Variants in HS6ST2 observed in about 807,000 individuals in gnomAD.
HS6ST2 encodes heparan-sulfate 6-O-sulfotransferase 2.
In HS6ST2, 17 loss-of-function variants were observed where a neutral mutation model predicts 33.0. The observed-to-expected ratio is 0.52, with a 90% CI of 0.35 to 0.77. The LOEUF (loss-of-function observed/expected upper bound fraction) is 0.77. Ranked by LOEUF, HS6ST2 falls within the 30% of genes least tolerant of loss-of-function variation. HS6ST2 has a pLI of 0.01. For synonymous variants in HS6ST2, 248 were observed against 237.1 expected (o/e 1.05, Z -0.42); for missense variants, 519 against 551.7 (o/e 0.94, Z 0.59).
chrX:132,646,361 C>A (rs1447451314), intron 4 of HS6ST2, among the ~76,000 whole-genome samples: 2 of 110,170 alleles, frequency 1.8e-5, no homozygotes, highest in Non-Finnish European at 3.8e-5. Flanking sequence ...GGGGGAGGGA[C>A]TAAATGACCT....
At chrX:132,726,815 T>A (rs989851609) in intron 2 of HS6ST2, among the ~76,000 whole-genome samples, 1 of 112,029 alleles carries the variant, frequency 8.9e-6, no homozygotes, top group African/African-American at 3.2e-5. Flanking sequence ...TCAAGGTTCA[T>A]CCATATTGTA....
In HS6ST2 at chrX:132,879,908, T is replaced by C. The variant is rs185701996; in HGVS notation, c.947+76900A>G. 1.9e-3 allele frequency among the ~76,000 whole-genome samples: 212 copies of C among 111,524 alleles called. 1 individual carries two copies. Among genetic ancestry groups the C allele is most frequent in the African/African-American group, 6.7e-3 (206 of 30,650 alleles). On this transcript the variant is annotated intron_variant, in intron 2 of 4. Transcript: ENST00000370833. ...CTGAGCACCTACAACGTCATCACTATTCCTCCCCTGGCACATCTCCTCCAC... is the reference window on the plus strand; with the variant it reads ...CTGAGCACCTACAACGTCATCACTACTCCTCCCCTGGCACATCTCCTCCAC...
At chrX:132,756,048 G>A (rs186247309) in intron 2 of HS6ST2, among the ~76,000 whole-genome samples, 1 of 111,534 alleles carries the variant, frequency 9.0e-6, no homozygotes, top group African/African-American at 3.3e-5. Context: ...TCCAGGCCTC[G>A]GCCCAGCCCT....
At chrX:132,635,874 G>A (rs1390976851) in intron 4 of HS6ST2, among the ~76,000 whole-genome samples, 3 of 111,087 alleles carry the variant, frequency 2.7e-5, no homozygotes, top group Non-Finnish European at 5.7e-5. Flanking sequence ...TCTGTATATG[G>A]AGTGCCCACT....
intron 2 of HS6ST2, among the ~76,000 whole-genome samples, chrX:132,871,542 A>C (rs1412205333): frequency 8.9e-6 from 1 of 112,167 alleles, no homozygotes; most frequent in Admixed American, 9.5e-5. Context: ...AATGCCCATC[A>C]ATGACAGACT....
At chrX:132,691,401 G>C (rs1237965056) in intron 3 of HS6ST2, among the ~76,000 whole-genome samples, 1 of 111,857 alleles carries the variant, frequency 8.9e-6, no homozygotes, top group East Asian at 2.8e-4. Context: ...AACCGCTCTT[G>C]TCTGGTTGTC....
chrX:132,874,992 T>C (rs372937867), intron 2 of HS6ST2, among the ~76,000 whole-genome samples: 3 of 109,799 alleles, frequency 2.7e-5, no homozygotes, highest in Admixed American at 1.9e-4. Context: ...CAGCCAAGAG[T>C]ATGAAGTCCA....
At chrX:132,791,819 A>G (rs1449772603) in intron 2 of HS6ST2, among the ~76,000 whole-genome samples, 1 of 110,442 alleles carries the variant, frequency 9.1e-6, no homozygotes, top group Non-Finnish European at 1.9e-5. Context: ...ACAAAAAAAA[A>G]AAAAAATCAA....
chrX:132,634,687 T>G (rs1298791682), intron 4 of HS6ST2, among the ~76,000 whole-genome samples: 1 of 112,134 alleles, frequency 8.9e-6, no homozygotes, highest in African/African-American at 3.2e-5. Flanking sequence ...AGGGAGGAAC[T>G]GCCTGAAACA....
intron 2 of HS6ST2, among the ~76,000 whole-genome samples, chrX:132,757,900 T>C (rs1365696772): frequency 8.9e-6 from 1 of 111,786 alleles, no homozygotes; most frequent in Non-Finnish European, 1.9e-5. Flanking sequence ...GGAGTCTGAT[T>C]TTTCATAAAT....
intron 2 of HS6ST2, among the ~76,000 whole-genome samples, chrX:132,803,225 T>G (rs1394039646): frequency 9.0e-6 from 1 of 111,432 alleles, no homozygotes; most frequent in Non-Finnish European, 1.9e-5. Context: ...TCTCTTCTTT[T>G]TCCTAGTCTC....
At chrX:132,724,092 C>T (rs755540230) in intron 2 of HS6ST2, among the ~76,000 whole-genome samples, 3 of 111,358 alleles carry the variant, frequency 2.7e-5, no homozygotes, top group Non-Finnish European at 3.8e-5. Flanking sequence ...CGGCTGAGAT[C>T]GTGCCACTGC....
intron 2 of HS6ST2, among the ~76,000 whole-genome samples, chrX:132,822,452 C>T (rs1020872717): frequency 5.4e-5 from 6 of 111,425 alleles, no homozygotes; most frequent in Non-Finnish European, 7.5e-5. Context: ...CCAGTACAAT[C>T]TCTCCTCATG....
intron 4 of HS6ST2, among the ~76,000 whole-genome samples, chrX:132,633,143 G>A (rs1253749009): frequency 9.2e-6 from 1 of 108,482 alleles, no homozygotes; most frequent in African/African-American, 3.4e-5. Context: ...GGATCAGCAT[G>A]AGCAGAGGCA....
chrX:132,959,456 G>A (rs2067127189), upstream of HS6ST2, among the ~76,000 whole-genome samples: 1 of 111,912 alleles, frequency 8.9e-6, no homozygotes, highest in Admixed American at 9.4e-5. Flanking sequence ...TACAGAAGGG[G>A]CACCGGTTGG....
At chrX:132,898,381 T>TTTTA (rs368130066) in intron 2 of HS6ST2, among the ~76,000 whole-genome samples, 2 of 89,223 alleles carry the variant, frequency 2.2e-5, no homozygotes, top group Admixed American at 1.3e-4. Flanking sequence ...CAACATAAGG[T>TTTTA]TATATATATA....
At position 132,628,269 on chromosome X, in the gene HS6ST2, C is replaced by T. The variant is rs755071938; in HGVS notation, c.1892G>A (p.Ser631Asn). The change falls in exon 5 of 5, where the codon AGC (serine) becomes AAC (asparagine). Residue 631 changes from serine (S) to asparagine (N), a missense_variant. Ser to Asn is a conservative substitution (Grantham distance 46). Coordinates refer to ENST00000370833, the MANE Select transcript of HS6ST2 (RefSeq NM_001394073.1). ...GCCTATGTAGTCGTTGGTGCCATTGCTGGTGTTATCATTCTGCTCCTTGCC... is the reference window on the plus strand; with the variant it reads ...GCCTATGTAGTCGTTGGTGCCATTGTTGGTGTTATCATTCTGCTCCTTGCC... ...NSGKEQNDNTSNGTNDYIGSV... is the reference protein window; with the variant it reads ...NSGKEQNDNTNNGTNDYIGSV... 25 of 1,165,468 alleles carry T rather than the reference C, an allele frequency of 2.1e-5. No homozygotes were observed. The highest frequency in any genetic ancestry group is 2.6e-5 in the Non-Finnish European group (23 of 872,487).
chrX:132,944,090 G>T (rs1276660261), intron 2 of HS6ST2, among the ~76,000 whole-genome samples: 1 of 111,620 alleles, frequency 9.0e-6, no homozygotes, highest in Non-Finnish European at 1.9e-5. Context: ...CAGATGACAT[G>T]ACTATATATC....
At chrX:132,634,233 G>A (rs185635064) in intron 4 of HS6ST2, among the ~76,000 whole-genome samples, 18 of 112,124 alleles carry the variant, frequency 1.6e-4, no homozygotes, top group African/African-American at 5.8e-4. Context: ...CAAGATGCAG[G>A]TGAGAGCAAG....
Sources: allele counts gnomAD v4.1 joint callset (sites outside exome capture counted in the v4.1 genomes callset), GRCh38; gene constraint gnomAD v4.1.1; transcripts MANE v1.5; gene names NCBI Gene and HGNC (gene_info 2026-07-23, HGNC 2026-07-21).